Variants in CFAP92 observed in about 807,000 individuals in gnomAD.
CFAP92 encodes uncharacterized protein CFAP92.
In CFAP92, 86 loss-of-function variants were observed where a neutral mutation model predicts 106.3. The ratio of observed to expected loss-of-function variants is 0.81; its 90% CI spans 0.68 to 0.97. CFAP92 has a LOEUF of 0.97. CFAP92 is among the 50% of genes least tolerant of loss of function. The probability of loss-of-function intolerance (pLI) is 0.00; values close to 1 mark genes in which losing one functional copy is unlikely to be tolerated. For synonymous variants in CFAP92, 477 were observed against 506.4 expected, an observed-to-expected ratio of 0.94 and a Z score of 0.78; for missense variants, 1,204 against 1,283.8, an observed-to-expected ratio of 0.94 and a Z score of 0.95.
At chr3:128,995,939 G>T (rs1229157304), upstream of CFAP92, among the ~76,000 whole-genome samples, 1 of 152,206 alleles carries the variant, frequency 6.6e-6, no homozygotes, top group Non-Finnish European at 1.5e-5. Context: ...CCAGTTGGGG[G>T]GTCTAGTCTC....
chr3:128,922,427 G>A (rs576573697), intron 12 of CFAP92, among the ~76,000 whole-genome samples: 2 of 152,306 alleles, frequency 1.3e-5, no homozygotes, highest in East Asian at 3.9e-4. Flanking sequence ...AGTTATTGCT[G>A]TTACCTTACA....
intron 9 of CFAP92, among the ~76,000 whole-genome samples, chr3:128,964,823 T>A (rs553729960): frequency 1.8e-4 from 27 of 151,310 alleles, no homozygotes; most frequent in Non-Finnish European, 3.2e-4. Context: ...GTTCCCACGC[T>A]GCCCCTAATC....
intron 8 of CFAP92, chr3:128,970,502 T>C (rs1284174178): frequency 1.3e-5 from 2 of 151,772 alleles, no homozygotes; most frequent in Non-Finnish European, 2.9e-5. Flanking sequence ...CTGAATTTTC[T>C]CTAAAAAGAA....
chr3:128,952,248 G>A (rs374826106), intron 9 of CFAP92, among the ~76,000 whole-genome samples: 15 of 148,250 alleles, frequency 1.0e-4, no homozygotes, highest in South Asian at 2.1e-4. Context: ...CTCCCACCCC[G>A]GCCTCTTGAA....
the CFAP92 span, among the ~76,000 whole-genome samples, chr3:129,020,256 G>C: frequency 6.6e-6 from 1 of 152,160 alleles, no homozygotes; most frequent in African/African-American, 2.4e-5. Context: ...GTTAATATTT[G>C]TTAAGTGCCT....
At chr3:128,987,507 G>T in intron 4 of CFAP92, 109 bp downstream of exon 4, 1 of 930,452 alleles carries the variant, frequency 1.1e-6, no homozygotes, top group Non-Finnish European at 1.7e-6. Context: ...CAAAACCCGT[G>T]TGTGCACATG....
intron 8 of CFAP92, 198 bp downstream of exon 8, chr3:128,971,089 T>A: frequency 1.4e-6 from 1 of 710,852 alleles, no homozygotes; most frequent in Non-Finnish European, 2.3e-6. Flanking sequence ...AGCTGTGTGA[T>A]CTCAGGCAAG....
chr3:129,000,956 T>TG (rs1333928429), intron 1 of CFAP92, among the ~76,000 whole-genome samples: 1 of 152,184 alleles, frequency 6.6e-6, no homozygotes, highest in Non-Finnish European at 1.5e-5. Flanking sequence ...AGTTACTACT[T>TG]GGGGCTCTTT....
At chr3:128,930,068 T>C (rs1938173603) in intron 12 of CFAP92, among the ~76,000 whole-genome samples, 1 of 152,144 alleles carries the variant, frequency 6.6e-6, no homozygotes, top group African/African-American at 2.4e-5. Context: ...GCTGGAACAA[T>C]ATTTACAAGA....
chr3:128,967,291 C>T (rs1026001443), intron 8 of CFAP92: 1 of 152,230 alleles, frequency 6.6e-6, no homozygotes, highest in Non-Finnish European at 1.5e-5. Flanking sequence ...GCGTGCACAG[C>T]TCCTGGGGGT....
intron 10 of CFAP92, among the ~76,000 whole-genome samples, chr3:128,939,201 C>T (rs557072563): frequency 1.1e-4 from 16 of 152,114 alleles, no homozygotes; most frequent in Non-Finnish European, 1.5e-4. Context: ...TGCAGTGGCG[C>T]GATCTCGGCT....
chr3:128,995,395 C>T (rs1160045896), upstream of CFAP92, among the ~76,000 whole-genome samples: 4 of 149,974 alleles, frequency 2.7e-5, no homozygotes, highest in African/African-American at 9.9e-5. Context: ...ACTCTTAGCA[C>T]GAGAACGGCA....
rs760710359 is a variant in CFAP92, at chr3:128,976,971, A to G, written c.896+8T>C. ...CTCCCACCACCCAAAATATCGTTCA[A>G]TCCTTACTGAATCGTGGAAGAATCG... On this transcript the variant is annotated splice_region_variant and intron_variant, in intron 6 of 15. Coordinates refer to ENST00000645291, the MANE Select transcript of CFAP92 (RefSeq NM_001394090.1). 6.8e-6 allele frequency: 11 copies of G among 1,611,212 alleles called. No individual in the cohort carries two copies. In the South Asian group the frequency reaches 1.2e-4, roughly 18 times the overall value.
chr3:129,011,789 T>C, the CFAP92 span, among the ~76,000 whole-genome samples: 94 of 152,048 alleles, frequency 6.2e-4, no homozygotes, highest in Non-Finnish European at 1.1e-3. Flanking sequence ...GCCCACACTT[T>C]GGGCTGACAG....
intron 4 of CFAP92, among the ~76,000 whole-genome samples, chr3:128,985,481 CT>C (rs1170138380): frequency 7.2e-5 from 11 of 152,158 alleles, no homozygotes; most frequent in African/African-American, 2.7e-4. Flanking sequence ...AATAAGAATA[CT>C]CATAGCAGGA....
upstream of CFAP92, among the ~76,000 whole-genome samples, chr3:129,007,273 G>A (rs1237155771): frequency 6.6e-6 from 1 of 152,210 alleles, no homozygotes; most frequent in Admixed American, 6.5e-5. Flanking sequence ...AAGCTCAGAT[G>A]TCCGTGACTA....
At chr3:128,938,720 C>A (rs1024906857) in intron 10 of CFAP92, among the ~76,000 whole-genome samples, 10 of 152,014 alleles carry the variant, frequency 6.6e-5, no homozygotes, top group African/African-American at 2.2e-4. Context: ...TCTCCATCTC[C>A]TGACCTGGTG....
chr3:128,929,179 G>T (rs1026996943), intron 12 of CFAP92, among the ~76,000 whole-genome samples: 2 of 152,164 alleles, frequency 1.3e-5, no homozygotes, highest in African/African-American at 4.8e-5. Context: ...CACATTAAAA[G>T]ATATCTAGCA....
rs1426851472 is a variant in CFAP92 at position 128,915,545 on chromosome 3, T to C, written c.2935A>G (p.Thr979Ala). The change falls in exon 14 of 16, where the codon ACG becomes GCG. Residue 979 changes from threonine (T) to alanine (A), a missense_variant. Transcript: ENST00000645291. ...GCTGAGAGGTAATCCTGTGAGTACG[T>C]GAATCTCTTTCTTGGCTCCTAGAAA... is the stretch of plus-strand genomic sequence containing the variant. ...EIAKEPRKRFTYSQDYLSAMV... is the reference protein window; with the variant it reads ...EIAKEPRKRFAYSQDYLSAMV... The C allele has an allele frequency of 6.6e-7, 1 of 1,520,496 alleles. No individual in the cohort carries two copies. The highest frequency in any genetic ancestry group is 1.4e-5 in the African/African-American group (1 of 72,116). 94.2% of individuals were successfully genotyped at this position (1,520,496 alleles called of 1,614,324 possible).
Sources: allele counts gnomAD v4.1 joint callset (sites outside exome capture counted in the v4.1 genomes callset), GRCh38; gene constraint gnomAD v4.1.1; transcripts MANE v1.5; gene names NCBI Gene and HGNC (gene_info 2026-07-23, HGNC 2026-07-21).